The following CAMTA1 variants were observed in gnomAD, a reference collection of about 807,000 sequenced individuals.
CAMTA1 encodes the protein calmodulin-binding transcription activator 1.
In CAMTA1, 27 loss-of-function variants were observed where a neutral mutation model predicts 170.9. That is an observed-to-expected ratio of 0.16 (90% CI 0.12 to 0.22). The LOEUF (loss-of-function observed/expected upper bound fraction) is 0.22, where lower values mean the gene tolerates loss of function less well. CAMTA1 is among the 10% of genes least tolerant of loss of function. The pLI is 1.00. For synonymous variants in CAMTA1, 833 were observed against 891.5 expected (o/e 0.93, Z 1.17); for missense variants, 1,619 against 2,217.2 (o/e 0.73, Z 5.42).
At chr1:7,495,864 C>G (rs960117094) in intron 6 of CAMTA1, among the ~76,000 whole-genome samples, 1 of 152,252 alleles carries the variant, frequency 6.6e-6, no homozygotes, top group African/African-American at 2.4e-5. Flanking sequence ...CCAGGCTAAA[C>G]CCGCCCAGGA....
At chr1:7,649,585 T>A (rs1409480924) in intron 7 of CAMTA1, among the ~76,000 whole-genome samples, 1 of 59,902 alleles carries the variant, frequency 1.7e-5, no homozygotes, top group Non-Finnish European at 3.3e-5. Context: ...TCCTTCCTAC[T>A]TTGCTCCAGG....
chr1:7,058,801 A>G (rs1308935044), intron 3 of CAMTA1, among the ~76,000 whole-genome samples: 1 of 152,142 alleles, frequency 6.6e-6, no homozygotes, highest in African/African-American at 2.4e-5. Context: ...AAGGATGAAA[A>G]ATATTTCTGA....
intron 6 of CAMTA1, among the ~76,000 whole-genome samples, chr1:7,499,393 A>G (rs1230802380): frequency 6.3e-5 from 6 of 95,302 alleles, no homozygotes; most frequent in Non-Finnish European, 1.3e-4. Context: ...GTGTGTGTGC[A>G]TGTGTGTACA....
At chr1:7,351,636 A>G (rs2084680908) in intron 5 of CAMTA1, among the ~76,000 whole-genome samples, 1 of 152,114 alleles carries the variant, frequency 6.6e-6, no homozygotes, top group African/African-American at 2.4e-5. Flanking sequence ...GGACATGGAG[A>G]TTGGAGAAAC....
At position 7,197,412 on chromosome 1, in the gene CAMTA1, C is replaced by T. The variant is rs183999838; in HGVS notation, c.303-52079C>T. Among the ~76,000 whole-genome samples, 12 of 152,150 alleles carry T rather than the reference C, an allele frequency of 7.9e-5. No homozygotes were observed. The South Asian group carries it at 8.3e-4, about 11-fold the overall frequency. ...GTTTCCAAAGACCAGGAGATGCTCT[C>T]TCAGCTGCCCACACAGGGTTCGGGA... On this transcript the variant is annotated intron_variant, in intron 4 of 22. Transcript: ENST00000303635.
chr1:6,925,579 G>A (rs994071064), intron 3 of CAMTA1, among the ~76,000 whole-genome samples: 6 of 152,092 alleles, frequency 3.9e-5, no homozygotes, highest in Admixed American at 2.6e-4. Flanking sequence ...GTGCGTCCCT[G>A]TAGCCTGGAG....
At chr1:7,761,796 A>G (rs2096978246) in intron 22 of CAMTA1, among the ~76,000 whole-genome samples, 1 of 152,172 alleles carries the variant, frequency 6.6e-6, no homozygotes, top group South Asian at 2.1e-4. Context: ...TTTTTATATA[A>G]TATGAACACA....
At chr1:6,874,688 TC>T (rs1400814818) in intron 3 of CAMTA1, among the ~76,000 whole-genome samples, 5 of 152,342 alleles carry the variant, frequency 3.3e-5, no homozygotes, top group African/African-American at 2.4e-5. Context: ...GGGTTTTTAA[TC>T]TCTTAGGAAG....
At chr1:7,034,424 G>T (rs764241987) in intron 3 of CAMTA1, among the ~76,000 whole-genome samples, 36 of 152,226 alleles carry the variant, frequency 2.4e-4, no homozygotes, top group Non-Finnish European at 4.6e-4. Flanking sequence ...AAAGTGTTGA[G>T]ATTACCGGCG....
rs116012958 is a variant in CAMTA1 at position 7,085,499 on chromosome 1, C to T, written c.235-5805C>T. ...GACTGAAAAACCAGGAAGGGAGAAC[C>T]ACCACCCACATAGAGCTAGCAAGAG... On this transcript the variant is annotated intron_variant, in intron 3 of 22. Transcript: ENST00000303635. 5.5e-3 allele frequency among the ~76,000 whole-genome samples: 835 copies of T among 152,358 alleles called. 8 individuals carry two copies. The highest frequency in any genetic ancestry group is 0.019 in the African/African-American group (774 of 41,578).
At position 7,057,328 on chromosome 1, in the gene CAMTA1, C is replaced by T. The variant is rs144906465; in HGVS notation, c.235-33976C>T. ...AGGAGCAGCCCTGGGATGGATCTTT[C>T]GAAGCACCTGCGTCGCAGCCAGAAC... On this transcript the variant is annotated intron_variant, in intron 3 of 22. Coordinates refer to ENST00000303635, the MANE Select transcript of CAMTA1 (RefSeq NM_015215.4). 2.3e-3 allele frequency among the ~76,000 whole-genome samples: 345 copies of T among 152,308 alleles called. 2 individuals are homozygous for T. The Middle Eastern group carries it at 0.024, about 11-fold the overall frequency.
intron 4 of CAMTA1, among the ~76,000 whole-genome samples, chr1:7,175,918 T>C (rs1650709451): frequency 6.6e-6 from 1 of 152,230 alleles, no homozygotes; most frequent in Non-Finnish European, 1.5e-5. Context: ...ATTTTCATGG[T>C]CATTGATCTT....
intron 5 of CAMTA1, among the ~76,000 whole-genome samples, chr1:7,367,384 T>C (rs845272): frequency 0.64 from 97,231 of 152,246 alleles, 32,591 homozygotes; most frequent in Middle Eastern, 0.76. Context: ...AATGGCCATT[T>C]GGCCAGATTT....
At chr1:7,655,834 A>G (rs1469076363) in intron 7 of CAMTA1, among the ~76,000 whole-genome samples, 2 of 152,176 alleles carry the variant, frequency 1.3e-5, no homozygotes, top group East Asian at 3.8e-4. Flanking sequence ...GTGGACCTTT[A>G]GCCACAGAGC....
At chr1:6,902,073 A>AC (rs772368106) in intron 3 of CAMTA1, among the ~76,000 whole-genome samples, 28,931 of 77,020 alleles carry the variant, frequency 0.38, 2,934 homozygotes, top group Non-Finnish European at 0.39. Context: ...ACACACACAC[A>AC]AAAAAAAAAA....
At chr1:7,360,076 C>G (rs766762137) in intron 5 of CAMTA1, among the ~76,000 whole-genome samples, 2 of 152,154 alleles carry the variant, frequency 1.3e-5, no homozygotes, top group Non-Finnish European at 2.9e-5. Context: ...TTCATCTTCA[C>G]GTGGCATTCT....
rs185976689 is a variant in CAMTA1 at position 7,640,395 on chromosome 1, C to T, written c.511-5C>T. The T allele has an allele frequency of 1.5e-4, 238 of 1,613,840 alleles. No homozygotes were observed. In the African/African-American group the frequency reaches 2.9e-3, roughly 20 times the overall value. On this transcript the variant is annotated splice_polypyrimidine_tract_variant and splice_region_variant and intron_variant, in intron 6 of 22. Coordinates refer to ENST00000303635, the MANE Select transcript of CAMTA1 (RefSeq NM_015215.4). ...TCATGCTGCCAGTCTCTGCTCTCCCCACAGAACCCCGACATCGTCCTGGTG... is the reference window on the plus strand; with the variant it reads ...TCATGCTGCCAGTCTCTGCTCTCCCTACAGAACCCCGACATCGTCCTGGTG...
At chr1:6,821,736 A>G (rs1382984840) in intron 2 of CAMTA1, among the ~76,000 whole-genome samples, 1 of 152,186 alleles carries the variant, frequency 6.6e-6, no homozygotes, top group Non-Finnish European at 1.5e-5. Flanking sequence ...CAGAAGTCAC[A>G]GAATTTTCGA....
chr1:7,480,660 C>T (rs1392297425), intron 6 of CAMTA1, among the ~76,000 whole-genome samples: 11 of 152,116 alleles, frequency 7.2e-5, no homozygotes, highest in Admixed American at 5.9e-4. Flanking sequence ...CGAGACTTCC[C>T]GGCTATCTCC....
Sources: allele counts gnomAD v4.1 joint callset (sites outside exome capture counted in the v4.1 genomes callset), GRCh38; gene constraint gnomAD v4.1.1; transcripts MANE v1.5; gene names NCBI Gene and HGNC (gene_info 2026-07-23, HGNC 2026-07-21).